CPE: variants seen among roughly 807,000 people sequenced by gnomAD.
CPE encodes the protein carboxypeptidase E.
Under a neutral mutation model 53.5 loss-of-function variants are expected in CPE, and 17 were observed. That is an observed-to-expected ratio of 0.32 (90% CI 0.22 to 0.48). The LOEUF (loss-of-function observed/expected upper bound fraction) is 0.48. Among genes scored for constraint, CPE ranks in the 20% least tolerant of loss-of-function variants. The pLI, the probability that CPE is intolerant of heterozygous loss-of-function variation, is 0.99. For missense variants in CPE, 524 were observed against 614.7 expected (o/e 0.85, Z 1.56); for synonymous variants, 226 against 228.8 (o/e 0.99, Z 0.11).
chr4:165,449,227 A>G (rs945120211), intron 1 of CPE, among the ~76,000 whole-genome samples: 21 of 152,232 alleles, frequency 1.4e-4, no homozygotes, highest in African/African-American at 5.1e-4. Flanking sequence ...ATGATTACCA[A>G]TGTCATAATG....
intron 1 of CPE, among the ~76,000 whole-genome samples, chr4:165,426,765 T>A (rs528957937): frequency 6.6e-6 from 1 of 152,326 alleles, no homozygotes; most frequent in Non-Finnish European, 1.5e-5. Flanking sequence ...ATCTCACCAA[T>A]ACACTACAAT....
chr4:165,385,567 T>G (rs1468408557), intron 1 of CPE, among the ~76,000 whole-genome samples: 1 of 151,706 alleles, frequency 6.6e-6, no homozygotes, highest in Non-Finnish European at 1.5e-5. Flanking sequence ...CTCAGCCTCT[T>G]GAATAGCTGG....
intron 1 of CPE, among the ~76,000 whole-genome samples, chr4:165,451,307 C>T (rs1731803508): frequency 6.6e-6 from 1 of 152,106 alleles, no homozygotes; most frequent in Non-Finnish European, 1.5e-5. Context: ...TTGGAAGTTT[C>T]TAAGTCTCCA....
At chr4:165,492,886 G>C (rs1332537399) in intron 6 of CPE, among the ~76,000 whole-genome samples, 1 of 152,026 alleles carries the variant, frequency 6.6e-6, no homozygotes, top group African/African-American at 2.4e-5. Flanking sequence ...TATGAGGAGT[G>C]GTCTCCTCCC....
chr4:165,404,651 T>C lies in CPE; in HGVS notation c.307+25123T>C. On this transcript the variant is annotated intron_variant, in intron 1 of 8. Transcript: ENST00000402744. ...GCTTGTGGTCAGGGAATCCAGCTTCTTTGGGTCAACTCCTTCCTGGAGGAT... is the reference window on the plus strand; with the variant it reads ...GCTTGTGGTCAGGGAATCCAGCTTCCTTGGGTCAACTCCTTCCTGGAGGAT... 6.4e-6 allele frequency: 7 copies of C among 1,094,082 alleles called. No homozygotes were observed. The South Asian group carries it at 8.7e-5, about 14-fold the overall frequency. 67.8% of individuals were successfully genotyped at this position (1,094,082 alleles called of 1,614,324 possible).
intron 3 of CPE, among the ~76,000 whole-genome samples, chr4:165,480,838 T>A (rs1732394199): frequency 6.6e-6 from 1 of 152,000 alleles, no homozygotes; most frequent in Non-Finnish European, 1.5e-5. Flanking sequence ...TAAAATGGCA[T>A]ATAAATGATC....
At chr4:165,437,539 T>G (rs1482775521) in intron 1 of CPE, among the ~76,000 whole-genome samples, 1 of 152,194 alleles carries the variant, frequency 6.6e-6, no homozygotes, top group Non-Finnish European at 1.5e-5. Flanking sequence ...TGCCAGATCC[T>G]GAAGAGATAA....
intron 1 of CPE, among the ~76,000 whole-genome samples, chr4:165,403,220 T>A (rs1730896963): frequency 6.6e-6 from 1 of 152,214 alleles, no homozygotes; most frequent in Admixed American, 6.5e-5. Context: ...TGAAGGCGAC[T>A]GTTTTATGAT....
chr4:165,407,840 G>C (rs1458056607), intron 1 of CPE, among the ~76,000 whole-genome samples: 1 of 150,674 alleles, frequency 6.6e-6, no homozygotes, highest in Non-Finnish European at 1.5e-5. Flanking sequence ...ATAGGCATGA[G>C]CCACCGCGCC....
intron 8 of CPE, among the ~76,000 whole-genome samples, 157 bp downstream of exon 8, chr4:165,495,834 C>G (rs1228325015): frequency 6.6e-6 from 1 of 152,116 alleles, no homozygotes; most frequent in East Asian, 1.9e-4. Context: ...TGAGGCTTAG[C>G]AAAGTTAATA....
chr4:165,470,024 T>C (rs543893698), intron 3 of CPE, among the ~76,000 whole-genome samples: 1 of 152,186 alleles, frequency 6.6e-6, no homozygotes, highest in Non-Finnish European at 1.5e-5. Context: ...GCTGGTCTTC[T>C]TAGTGGTGGC....
intron 1 of CPE, among the ~76,000 whole-genome samples, chr4:165,391,067 G>A (rs926511940): frequency 6.6e-6 from 1 of 152,070 alleles, no homozygotes; most frequent in African/African-American, 2.4e-5. Context: ...TGCACAAACT[G>A]TATCTTAAAA....
chr4:165,478,841 C>G (rs1012980658), intron 3 of CPE, among the ~76,000 whole-genome samples: 1 of 152,190 alleles, frequency 6.6e-6, no homozygotes, highest in East Asian at 1.9e-4. Context: ...TTACCCCCGA[C>G]AGATGGGCCA....
chr4:165,490,324 C>CA (rs1213780066), intron 6 of CPE, among the ~76,000 whole-genome samples: 1 of 152,042 alleles, frequency 6.6e-6, no homozygotes, highest in Non-Finnish European at 1.5e-5. Flanking sequence ...TCAAAATTCT[C>CA]AAAAAATTTC....
At chr4:165,380,720 A>G (rs910311548) in intron 1 of CPE, among the ~76,000 whole-genome samples, 22 of 152,348 alleles carry the variant, frequency 1.4e-4, no homozygotes, top group African/African-American at 4.1e-4. Flanking sequence ...CTTCAAATAT[A>G]TAGTAGGTGG....
chr4:165,497,243 A>G (rs542369388), intron 8 of CPE, among the ~76,000 whole-genome samples: 7 of 152,276 alleles, frequency 4.6e-5, no homozygotes, highest in Non-Finnish European at 8.8e-5. Context: ...TATGAGGAGA[A>G]GAGACTGGGG....
chr4:165,487,856 C>T (rs1213391003), intron 6 of CPE, among the ~76,000 whole-genome samples: 4 of 152,112 alleles, frequency 2.6e-5, no homozygotes, highest in Non-Finnish European at 5.9e-5. Flanking sequence ...AATCCTAGGA[C>T]TCTCTCCCAC....
chr4:165,498,410 A>G lies in CPE; in HGVS notation c.*800A>G, dbSNP rs986511408. On this transcript the variant is annotated 3_prime_UTR_variant, in exon 9 of 9. Coordinates refer to ENST00000402744, the MANE Select transcript of CPE (RefSeq NM_001873.4). ...TATCCTCTTAATGGCGGCTTCTCAT[A>G]TATTCATCCTGTACATTTTAAAATT... The G allele has an allele frequency of 6.6e-6, 1 of 152,174 alleles. No homozygotes were observed. Among genetic ancestry groups the G allele is most frequent in the African/African-American group, 2.4e-5 (1 of 41,420 alleles). 9.4% of individuals were successfully genotyped at this position (152,174 alleles called of 1,614,324 possible).
At chr4:165,435,844 C>T (rs984376533) in intron 1 of CPE, among the ~76,000 whole-genome samples, 6 of 152,150 alleles carry the variant, frequency 3.9e-5, no homozygotes, top group African/African-American at 4.8e-5. Context: ...CCATTAAAGA[C>T]TATAATCTTC....
Sources: allele counts gnomAD v4.1 joint callset (sites outside exome capture counted in the v4.1 genomes callset), GRCh38; gene constraint gnomAD v4.1.1; transcripts MANE v1.5; gene names NCBI Gene and HGNC (gene_info 2026-07-23, HGNC 2026-07-21).